Variants in DDHD1 observed in about 807,000 individuals in gnomAD.
The protein encoded by DDHD1 is phospholipase DDHD1.
A neutral mutation model predicts 96.4 loss-of-function variants in DDHD1; 49 were observed. The observed-to-expected ratio is 0.51, with a 90% CI of 0.40 to 0.64. The LOEUF (loss-of-function observed/expected upper bound fraction) is 0.64. Ranked by LOEUF, DDHD1 falls within the 30% of genes least tolerant of loss-of-function variation. DDHD1 has a pLI of 0.00. For synonymous variants in DDHD1, 442 were observed against 446.5 expected, an observed-to-expected ratio of 0.99 and a Z score of 0.13; for missense variants, 1,106 against 1,161.2, an observed-to-expected ratio of 0.95 and a Z score of 0.69.
In DDHD1 at chr14:53,100,542, C is replaced by A. The variant is rs578073354; in HGVS notation, c.1012+3141G>T. 2.0e-5 allele frequency among the ~76,000 whole-genome samples: 3 copies of A among 152,214 alleles called. No homozygotes were observed. The East Asian group carries it at 5.8e-4, about 29-fold the overall frequency. On this transcript the variant is annotated intron_variant, in intron 2 of 12. Transcript: ENST00000673822. ...ATACCACTCCATTTTATTAAAGGGACTTGGATGTCCTCAGATTTTGGTATC... is the reference window on the plus strand; with the variant it reads ...ATACCACTCCATTTTATTAAAGGGAATTGGATGTCCTCAGATTTTGGTATC...
At chr14:53,108,192 G>T (rs926717484) in intron 1 of DDHD1, among the ~76,000 whole-genome samples, 1 of 152,190 alleles carries the variant, frequency 6.6e-6, no homozygotes, top group Non-Finnish European at 1.5e-5. Context: ...GATCCGGCAG[G>T]GTGTCTGCTG....
At chr14:53,095,194 A>T (rs1886783065) in intron 2 of DDHD1, among the ~76,000 whole-genome samples, 1 of 152,214 alleles carries the variant, frequency 6.6e-6, no homozygotes, top group African/African-American at 2.4e-5. Context: ...ACCCATCTTC[A>T]GAAAGCTAAG....
At chr14:53,059,073 T>C (rs974056960) in intron 8 of DDHD1, among the ~76,000 whole-genome samples, 1 of 151,940 alleles carries the variant, frequency 6.6e-6, no homozygotes, top group African/African-American at 2.4e-5. Flanking sequence ...AAAAAATAAT[T>C]CCAACTTTGA....
rs973219309 is a variant in DDHD1, at chr14:53,153,290, C to T, written c.-192G>A. On this transcript the variant is annotated 5_prime_UTR_variant, in exon 1 of 13. Transcript: ENST00000673822. ...AGCCGCCGCAGCTGCGTTCTGCCGC[C>T]GGCCCCATTGTCACGCAGCCCGACG... 11 of 435,524 alleles carry T rather than the reference C, an allele frequency of 2.5e-5. 1 individual carries two copies. In the South Asian group the frequency reaches 8.9e-4, roughly 35 times the overall value. 27.0% of individuals were successfully genotyped at this position (435,524 alleles called of 1,614,324 possible).
chr14:53,151,184 T>TA (rs1891329544), intron 1 of DDHD1, among the ~76,000 whole-genome samples: 1 of 152,206 alleles, frequency 6.6e-6, no homozygotes, highest in African/African-American at 2.4e-5. Context: ...GGTAAGGTCC[T>TA]AACATACAGA....
rs1346239502 is a variant in DDHD1, at chr14:53,041,868, C to T, written c.*4900G>A. ...ATGCTTTAATCTGAGCTTAAAGCAT[C>T]AGATTACAGAGGTGTATGTGTGGAG... On this transcript the variant is annotated 3_prime_UTR_variant, in exon 13 of 13. Coordinates refer to ENST00000673822, the MANE Select transcript of DDHD1 (RefSeq NM_001160148.2). 6.6e-6 allele frequency: 1 copy of T among 151,624 alleles called. No individual in the cohort carries two copies. The highest frequency in any genetic ancestry group is 2.4e-5 in the African/African-American group (1 of 41,166). The allele number at this position is 151,624 out of a possible 1,614,324, so 9.4% of individuals were successfully genotyped here.
intron 1 of DDHD1, among the ~76,000 whole-genome samples, chr14:53,151,822 G>A (rs989133195): frequency 6.6e-6 from 1 of 152,118 alleles, no homozygotes; most frequent in African/African-American, 2.4e-5. Flanking sequence ...CCATAACTAA[G>A]CTGTTGATTC....
intron 6 of DDHD1, among the ~76,000 whole-genome samples, chr14:53,066,303 C>A (rs888000106): frequency 3.9e-5 from 6 of 152,118 alleles, no homozygotes; most frequent in African/African-American, 1.4e-4. Flanking sequence ...AGGTGTGCAC[C>A]ACCACGCCTG....
Position 53,093,418 on chromosome 14 carries a change from T to G in DDHD1, c.1039A>C (p.Asn347His), listed in dbSNP as rs763530997. 3.7e-6 allele frequency: 6 copies of G among 1,611,880 alleles called. No individual in the cohort carries two copies. Reference sequence around the variant, plus strand: ...TCCACACTGTGCCAGTCCACATGGTTTCGACTCAACTTGAAACTATGAACA... The same window carrying G: ...TCCACACTGTGCCAGTCCACATGGTGTCGACTCAACTTGAAACTATGAACA... ...DAVHSFKLSR[N>H]HVDWHSVDEV... Residue 347 changes from asparagine to histidine, a missense_variant, in exon 3 of 13, where the codon AAC becomes CAC. Around this residue, in one of 2 missense-constraint regions of DDHD1, gnomAD observed 650 missense variants for 758.8 expected, o/e 0.86. Coordinates refer to ENST00000673822, the MANE Select transcript of DDHD1 (RefSeq NM_001160148.2).
chr14:53,135,629 C>T (rs1476036624), intron 1 of DDHD1, among the ~76,000 whole-genome samples: 1 of 152,222 alleles, frequency 6.6e-6, no homozygotes, highest in Non-Finnish European at 1.5e-5. Flanking sequence ...TCCATTTTAA[C>T]ATTCCTGAAC....
chr14:53,101,641 C>A (rs1244921568), intron 2 of DDHD1, among the ~76,000 whole-genome samples: 2 of 151,918 alleles, frequency 1.3e-5, no homozygotes, highest in Non-Finnish European at 2.9e-5. Context: ...TACCCTAGAA[C>A]TGATATATAC....
At chr14:53,096,970 A>G (rs983186479) in intron 2 of DDHD1, among the ~76,000 whole-genome samples, 5 of 152,006 alleles carry the variant, frequency 3.3e-5, no homozygotes, top group African/African-American at 1.2e-4. Context: ...GCAAATCAGT[A>G]GATAACCTTA....
intron 4 of DDHD1, among the ~76,000 whole-genome samples, chr14:53,090,179 A>T (rs1391877832): frequency 6.6e-6 from 1 of 152,200 alleles, no homozygotes; most frequent in South Asian, 2.1e-4. Flanking sequence ...ATGAGATACC[A>T]TCTCACACCA....
intron 4 of DDHD1, among the ~76,000 whole-genome samples, chr14:53,089,750 G>A (rs948654627): frequency 1.3e-5 from 2 of 152,104 alleles, no homozygotes; most frequent in South Asian, 2.1e-4. Flanking sequence ...AAAAACCCTA[G>A]AAGAAAACCT....
chr14:53,065,196 G>T (rs183531905), intron 6 of DDHD1, among the ~76,000 whole-genome samples: 2 of 152,282 alleles, frequency 1.3e-5, no homozygotes, highest in African/African-American at 4.8e-5. Context: ...GGAAATGAAC[G>T]TAAGGAGGAA....
intron 4 of DDHD1, among the ~76,000 whole-genome samples, chr14:53,074,904 C>G (rs1884824186): frequency 6.6e-6 from 1 of 152,090 alleles, no homozygotes; most frequent in Non-Finnish European, 1.5e-5. Context: ...ATTTTGTAAT[C>G]CTCACAATAT....
At chr14:53,122,622 G>C (rs1889086008) in intron 1 of DDHD1, among the ~76,000 whole-genome samples, 1 of 144,656 alleles carries the variant, frequency 6.9e-6, no homozygotes, top group African/African-American at 2.5e-5. Flanking sequence ...CTATTGCCCA[G>C]GCTGGAGTGC....
At chr14:53,119,200 T>C (rs968703984) in intron 1 of DDHD1, among the ~76,000 whole-genome samples, 1 of 152,148 alleles carries the variant, frequency 6.6e-6, no homozygotes, top group African/African-American at 2.4e-5. Flanking sequence ...TACCAGCCAC[T>C]GCAAAAACAT....
intron 1 of DDHD1, among the ~76,000 whole-genome samples, chr14:53,145,261 G>A (rs569152020): frequency 6.6e-6 from 1 of 152,298 alleles, no homozygotes; most frequent in East Asian, 1.9e-4. Context: ...CGCTGTGGGA[G>A]GCTGAGGCAG....
Sources: allele counts gnomAD v4.1 joint callset (sites outside exome capture counted in the v4.1 genomes callset), GRCh38; gene constraint gnomAD v4.1.1; regional missense constraint gnomAD v4.1.1; transcripts MANE v1.5; gene names NCBI Gene and HGNC (gene_info 2026-07-23, HGNC 2026-07-21).